Variants in IFNGR2 observed in about 807,000 individuals in gnomAD.
The protein encoded by IFNGR2 is IFN-gamma receptor 2.
Under a neutral mutation model 41.1 loss-of-function variants are expected in IFNGR2, and 15 were observed. The ratio of observed to expected loss-of-function variants is 0.37; its 90% confidence interval spans 0.24 to 0.56. The LOEUF (loss-of-function observed/expected upper bound fraction) is 0.56. Among genes scored for constraint, IFNGR2 ranks in the 20% least tolerant of loss-of-function variants. The pLI, the probability that IFNGR2 is intolerant of heterozygous loss-of-function variation, is 0.81. For missense variants in IFNGR2, 362 were observed against 415.7 expected (o/e 0.87, Z 1.12); for synonymous variants, 161 against 171.6 (o/e 0.94, Z 0.48).
intron 2 of IFNGR2, among the ~76,000 whole-genome samples, chr21:33,418,420 G>T (rs1046787704): frequency 7.2e-5 from 11 of 152,118 alleles, no homozygotes; most frequent in Non-Finnish European, 1.6e-4. Flanking sequence ...GTTAGAAAAA[G>T]GTGAAATCGG....
At chr21:33,427,124 G>A in intron 4 of IFNGR2, 92 bp downstream of exon 4, 1 of 1,129,338 alleles carries the variant, frequency 8.9e-7, no homozygotes, top group Non-Finnish European at 1.3e-6. Context: ...GGCAAGAACA[G>A]GGTGTCTCCA....
chr21:33,423,332 C>T (rs1031490992), intron 3 of IFNGR2, among the ~76,000 whole-genome samples: 3 of 150,620 alleles, frequency 2.0e-5, no homozygotes, highest in African/African-American at 7.3e-5. Context: ...AGCCACCGCA[C>T]CCAGCCTATC....
chr21:33,429,144 G>A (rs923580181), intron 4 of IFNGR2, among the ~76,000 whole-genome samples: 4 of 152,166 alleles, frequency 2.6e-5, no homozygotes, highest in Non-Finnish European at 4.4e-5. Context: ...AGGAGCAGCC[G>A]TGAGGGCCCC....
At chr21:33,418,391 G>A (rs1725994606) in intron 2 of IFNGR2, among the ~76,000 whole-genome samples, 1 of 152,072 alleles carries the variant, frequency 6.6e-6, no homozygotes, top group Non-Finnish European at 1.5e-5. Flanking sequence ...CATAGGTTAG[G>A]GTACATGTGA....
At chr21:33,434,507 G>A (rs2083924311) in intron 6 of IFNGR2, among the ~76,000 whole-genome samples, 2 of 152,136 alleles carry the variant, frequency 1.3e-5, no homozygotes, top group African/African-American at 4.8e-5. Flanking sequence ...GGGTGGCAGA[G>A]CAAGACTCCA....
At chr21:33,422,631 C>T (rs951817193) in intron 3 of IFNGR2, among the ~76,000 whole-genome samples, 1 of 152,030 alleles carries the variant, frequency 6.6e-6, no homozygotes, top group Non-Finnish European at 1.5e-5. Flanking sequence ...AATCCCAGCA[C>T]TTTGGGAGGC....
chr21:33,431,978 G>A (rs1283739091), intron 4 of IFNGR2, among the ~76,000 whole-genome samples, 199 bp from the exon 5 acceptor site: 1 of 152,212 alleles, frequency 6.6e-6, no homozygotes, highest in East Asian at 1.9e-4. Flanking sequence ...CAGTTCTAAA[G>A]CTATCAGCCT....
At chr21:33,411,377 T>G (rs2083714330) in intron 1 of IFNGR2, 1 of 464,778 alleles carries the variant, frequency 2.2e-6, no homozygotes, top group Non-Finnish European at 4.5e-6. Flanking sequence ...ATGCTTAGAC[T>G]GGGGAACTAG....
intron 1 of IFNGR2, among the ~76,000 whole-genome samples, chr21:33,408,562 T>TG (rs2083694315): frequency 6.6e-6 from 1 of 152,068 alleles, no homozygotes; most frequent in East Asian, 1.9e-4. Flanking sequence ...TCAAAGGTGT[T>TG]GGGATGGGTC....
At chr21:33,429,614 A>G (rs2083868925) in intron 4 of IFNGR2, among the ~76,000 whole-genome samples, 1 of 152,160 alleles carries the variant, frequency 6.6e-6, no homozygotes. Context: ...TCCACCAGCA[A>G]GCTGTGACTG....
rs1307134519 is a variant in IFNGR2, at chr21:33,414,906, C to A, written c.92C>A (p.Pro31His). 2.5e-6 allele frequency: 4 copies of A among 1,614,100 alleles called. No individual in the cohort carries two copies. In the Admixed American group the frequency reaches 6.7e-5, roughly 27 times the overall value. ...CCTCAAGACCCTCTTTCCCAGCTGC[C>A]CGCTCCTCAGCACCCGAAGATTCGC... Reference protein sequence around the residue: ...AAPPDPLSQLPAPQHPKIRLY... With the variant: ...AAPPDPLSQLHAPQHPKIRLY... Residue 31 changes from proline (P) to histidine (H), a missense_variant, in exon 2 of 7, where the codon CCC becomes CAC. By Grantham distance (77) the Pro-to-His change is moderately conservative. Coordinates refer to ENST00000290219, the MANE Select transcript of IFNGR2 (RefSeq NM_005534.4).
chr21:33,430,445 T>TTTAA (rs1382900940), intron 4 of IFNGR2, among the ~76,000 whole-genome samples: 7 of 152,220 alleles, frequency 4.6e-5, no homozygotes, highest in Non-Finnish European at 8.8e-5. Context: ...ATTTTTATTT[T>TTTAA]TTAATTTTAA....
chr21:33,433,105 C>G (rs1197468262), intron 6 of IFNGR2, among the ~76,000 whole-genome samples: 1 of 152,138 alleles, frequency 6.6e-6, no homozygotes, highest in Non-Finnish European at 1.5e-5. Context: ...AGACTGGTCT[C>G]AAACTCCTGA....
At chr21:33,411,254 C>T (rs1361450667) in intron 1 of IFNGR2, among the ~76,000 whole-genome samples, 1 of 152,202 alleles carries the variant, frequency 6.6e-6, no homozygotes, top group Non-Finnish European at 1.5e-5. Context: ...ATGGGAACCC[C>T]GACTTATACA....
intron 1 of IFNGR2, among the ~76,000 whole-genome samples, chr21:33,405,369 AATT>A (rs1275216937): frequency 6.6e-6 from 1 of 152,180 alleles, no homozygotes; most frequent in Non-Finnish European, 1.5e-5. Context: ...CACTTGAGGA[AATT>A]ATTAACTGCT....
chr21:33,415,677 A>G (rs2083748707), intron 2 of IFNGR2, among the ~76,000 whole-genome samples: 1 of 152,276 alleles, frequency 6.6e-6, no homozygotes, highest in Non-Finnish European at 1.5e-5. Context: ...AACCAAATGT[A>G]AAGACATGAT....
chr21:33,414,881 C>G lies in IFNGR2; in HGVS notation c.74-7C>G, dbSNP rs762306543. The G allele has an allele frequency of 1.2e-5, 19 of 1,611,744 alleles. No individual in the cohort carries two copies. In the East Asian group the frequency reaches 4.0e-4, roughly 34 times the overall value. On this transcript the variant is annotated splice_region_variant and splice_polypyrimidine_tract_variant and intron_variant, in intron 1 of 6. Transcript: ENST00000290219. ...CCTCCCTCTTCTTTTTCTCTGTCCC[C>G]CTCAAGACCCTCTTTCCCAGCTGCC...
intron 3 of IFNGR2, among the ~76,000 whole-genome samples, chr21:33,425,785 T>C (rs1368854694): frequency 2.0e-5 from 3 of 152,178 alleles, no homozygotes; most frequent in African/African-American, 4.8e-5. Flanking sequence ...AGCAGTTCTT[T>C]TGCACAGAGA....
intron 3 of IFNGR2, among the ~76,000 whole-genome samples, chr21:33,426,447 G>A (rs536320970): frequency 6.6e-6 from 1 of 151,930 alleles, no homozygotes; most frequent in East Asian, 1.9e-4. Flanking sequence ...GGCCAGGCGC[G>A]GTGGCTCACA....
Sources: gnomAD v4.1 joint callset for allele counts (sites outside exome capture counted in the v4.1 genomes callset) on GRCh38, gnomAD v4.1.1 for gene constraint, MANE v1.5 for transcripts, NCBI Gene and HGNC (gene_info 2026-07-23, HGNC 2026-07-21) for gene names.